Variants in ATP10A observed in about 807,000 individuals in gnomAD.
ATP10A encodes ATPase phospholipid transporting 10A (putative), also known as phospholipid-transporting ATPase VA.
In ATP10A, 111 loss-of-function variants were observed where a neutral mutation model predicts 147.8. The ratio of observed to expected loss-of-function variants is 0.75; its 90% confidence interval spans 0.64 to 0.88. ATP10A has a LOEUF of 0.88. Among genes scored for constraint, ATP10A ranks in the 40% least tolerant of loss-of-function variants. The pLI, the probability that ATP10A is intolerant of heterozygous loss-of-function variation, is 0.00. For missense variants in ATP10A, 1,927 were observed against 1,959.0 expected, an observed-to-expected ratio of 0.98 and a Z score of 0.31; for synonymous variants, 875 against 841.6, an observed-to-expected ratio of 1.04 and a Z score of -0.69.
At chr15:25,742,457 G>A (rs1337847324) in intron 2 of ATP10A, among the ~76,000 whole-genome samples, 1 of 152,200 alleles carries the variant, frequency 6.6e-6, no homozygotes, top group African/African-American at 2.4e-5. Context: ...AGTTTAGAAC[G>A]CAGGCGCCAG....
chr15:25,750,890 G>A (rs192754763), intron 2 of ATP10A, among the ~76,000 whole-genome samples: 98 of 151,982 alleles, frequency 6.4e-4, no homozygotes, highest in Middle Eastern at 3.4e-3. Context: ...TAATGAAAAG[G>A]TATAGCTAAT....
chr15:25,741,054 C>T (rs1887556487), intron 2 of ATP10A, among the ~76,000 whole-genome samples: 1 of 152,198 alleles, frequency 6.6e-6, no homozygotes, highest in African/African-American at 2.4e-5. Context: ...TTCCTGACGG[C>T]CCCCTGGTAG....
intron 1 of ATP10A, 85 bp from the exon 2 acceptor site, chr15:25,781,308 C>T: frequency 8.7e-7 from 1 of 1,154,670 alleles, no homozygotes. Context: ...GCTCATATGG[C>T]AATTCTTTCT....
intron 15 of ATP10A, among the ~76,000 whole-genome samples, chr15:25,690,211 C>T (rs747275894): frequency 4.8e-5 from 7 of 146,816 alleles, no homozygotes; most frequent in Admixed American, 7.0e-5. Flanking sequence ...GACACACCTA[C>T]GTTTTCCTTA....
intron 2 of ATP10A, among the ~76,000 whole-genome samples, chr15:25,753,528 G>A (rs1434281943): frequency 6.6e-6 from 1 of 151,714 alleles, no homozygotes; most frequent in Non-Finnish European, 1.5e-5. Context: ...ACCCCCTGAG[G>A]AACACAGGAA....
At chr15:25,762,150 T>C (rs1888793683) in intron 2 of ATP10A, among the ~76,000 whole-genome samples, 1 of 152,176 alleles carries the variant, frequency 6.6e-6, no homozygotes, top group African/African-American at 2.4e-5. Context: ...TCGGCACTTC[T>C]CCTTCCTGTC....
intron 1 of ATP10A, among the ~76,000 whole-genome samples, chr15:25,859,076 T>C (rs1893642643): frequency 1.3e-5 from 2 of 152,180 alleles, no homozygotes; most frequent in South Asian, 4.1e-4. Context: ...GAAAGCTTTC[T>C]GCAAGGCACA....
At chr15:25,711,837 C>A (rs111434419) in intron 10 of ATP10A, among the ~76,000 whole-genome samples, 2 of 152,182 alleles carry the variant, frequency 1.3e-5, no homozygotes, top group African/African-American at 4.8e-5. Context: ...CCGGCCTGGG[C>A]AGGGGCTCCC....
chr15:25,839,241 A>G (rs750975045), intron 1 of ATP10A, among the ~76,000 whole-genome samples: 1 of 152,166 alleles, frequency 6.6e-6, no homozygotes. Flanking sequence ...ATCCCTGCCA[A>G]CTGTAATTAT....
intron 2 of ATP10A, among the ~76,000 whole-genome samples, chr15:25,754,228 G>A (rs993455690): frequency 6.6e-6 from 1 of 152,264 alleles, no homozygotes; most frequent in African/African-American, 2.4e-5. Flanking sequence ...CTGCCTCCTG[G>A]GTTCAAGAGA....
rs1232503543 is a variant in ATP10A at position 25,725,110 on chromosome 15, A to AG, written c.979+840dup. Among the ~76,000 whole-genome samples, 3 of 152,148 alleles carry AG rather than the reference A, an allele frequency of 2.0e-5. 1 individual carries two copies. Among genetic ancestry groups the AG allele is most frequent in the Non-Finnish European group, 4.4e-5 (3 of 68,036 alleles). On this transcript the variant is annotated intron_variant, in intron 5 of 20. Coordinates refer to ENST00000555815, the MANE Select transcript of ATP10A (RefSeq NM_024490.4). ...TCCCACCTGAGCCCCGTCTCCCGTC[A>AG]GATCAGCGGCAGCATTCAATTCTCA...
chr15:25,834,130 C>T (rs530668171), intron 1 of ATP10A, among the ~76,000 whole-genome samples: 118 of 152,070 alleles, frequency 7.8e-4, no homozygotes, highest in Non-Finnish European at 1.4e-3. Context: ...TTCAAAACAT[C>T]ATGTTTTACA....
chr15:25,690,401 G>A (rs748684370), intron 15 of ATP10A, among the ~76,000 whole-genome samples: 23 of 152,122 alleles, frequency 1.5e-4, no homozygotes, highest in Middle Eastern at 3.2e-3. Context: ...GGGCCACCAC[G>A]CTGGGGTTTT....
rs575678879 is a variant in ATP10A, at chr15:25,680,910, T to G, written c.3578A>C (p.Tyr1193Ser). 6.2e-7 allele frequency: 1 copy of G among 1,614,020 alleles called. No homozygotes were observed. The highest frequency in any genetic ancestry group is 8.5e-7 in the Non-Finnish European group (1 of 1,180,028). ...LVCFSIPYLA[Y>S]YDSNVDLFTW... ...AAACAGGTCCACGTTCGAGTCATAG[T>G]AGGCCTGAAAGACAGTGGGGTCCTG... Residue 1193 changes from tyrosine to serine, a missense_variant, in exon 19 of 21, where the codon TAC becomes TCC. Transcript: ENST00000555815.
chr15:25,746,889 G>C (rs1468199159), intron 2 of ATP10A, among the ~76,000 whole-genome samples: 1 of 152,168 alleles, frequency 6.6e-6, no homozygotes, highest in Non-Finnish European at 1.5e-5. Context: ...ATGCTCGCTG[G>C]AGATTTTCGG....
chr15:25,780,776 G>A (rs531353949), intron 2 of ATP10A, among the ~76,000 whole-genome samples: 67 of 152,304 alleles, frequency 4.4e-4, no homozygotes, highest in African/African-American at 1.5e-3. Flanking sequence ...AACATTCTGC[G>A]AAACTTAGAC....
chr15:25,821,685 A>G (rs983108090), intron 1 of ATP10A, among the ~76,000 whole-genome samples: 2 of 152,222 alleles, frequency 1.3e-5, no homozygotes, highest in African/African-American at 4.8e-5. Context: ...AATGAAGTCA[A>G]TGGTCACACT....
intron 15 of ATP10A, among the ~76,000 whole-genome samples, chr15:25,689,520 C>T (rs892638696): frequency 6.6e-6 from 1 of 152,196 alleles, no homozygotes; most frequent in African/African-American, 2.4e-5. Context: ...TCTCCCTCAG[C>T]AACCCACAGC....
At chr15:25,784,144 A>G (rs1010907804) in intron 1 of ATP10A, among the ~76,000 whole-genome samples, 10 of 152,210 alleles carry the variant, frequency 6.6e-5, no homozygotes, top group Non-Finnish European at 1.3e-4. Context: ...GGGCTCCTGC[A>G]GAGGACACGA....
Sources: gnomAD v4.1 joint callset for allele counts (sites outside exome capture counted in the v4.1 genomes callset) on GRCh38, gnomAD v4.1.1 for gene constraint, MANE v1.5 for transcripts, NCBI Gene and HGNC (gene_info 2026-07-23, HGNC 2026-07-21) for gene names.